The following HS1BP3 variants were observed in gnomAD, a reference collection of about 807,000 sequenced individuals.
HS1BP3 encodes HCLS1-binding protein 3.
Under a neutral mutation model 33.5 loss-of-function variants are expected in HS1BP3, and 32 were observed. That is an observed-to-expected ratio of 0.95 (90% CI 0.72 to 1.28). The LOEUF (loss-of-function observed/expected upper bound fraction) is 1.28. Ranked by LOEUF, HS1BP3 falls within the 50% of genes most tolerant of loss-of-function variation. The pLI is 0.00. For synonymous variants in HS1BP3, 187 were observed against 209.2 expected (o/e 0.89, Z 0.92); for missense variants, 486 against 502.3 (o/e 0.97, Z 0.31).
intron 4 of HS1BP3, chr2:20,637,088 A>G (rs1188008427): frequency 7.2e-6 from 1 of 139,668 alleles, no homozygotes; most frequent in Admixed American, 7.7e-5. Context: ...TCCCCTGACA[A>G]TCTGCTAATG....
chr2:20,592,844 T>C (rs1479527546), intron 3 of HS1BP3: 1 of 152,290 alleles, frequency 6.6e-6, no homozygotes, highest in Non-Finnish European at 1.5e-5. Context: ...GATCTCATCT[T>C]GAGATCCTTA....
downstream of HS1BP3, among the ~76,000 whole-genome samples, chr2:20,615,412 C>G (rs1694403146): frequency 6.6e-6 from 1 of 152,252 alleles, no homozygotes; most frequent in African/African-American, 2.4e-5. Context: ...GTCAGCTTCC[C>G]CAACTGCAAG....
intron 5 of HS1BP3, among the ~76,000 whole-genome samples, chr2:20,574,370 G>A (rs555061967): frequency 4.6e-5 from 7 of 152,342 alleles, no homozygotes; most frequent in African/African-American, 9.6e-5. Context: ...TTTTTCTGCT[G>A]AAGATATTAG....
chr2:20,591,193 C>T (rs115399611), downstream of HS1BP3: 122 of 167,256 alleles, frequency 7.3e-4, no homozygotes, highest in African/African-American at 2.7e-3. Context: ...TGGAGAGGGA[C>T]GCCTCCATCT....
intron 3 of HS1BP3, chr2:20,639,950 TGGCCACA>T (rs974613354): frequency 6.2e-4 from 95 of 152,382 alleles, no homozygotes; most frequent in African/African-American, 2.2e-3. Flanking sequence ...GGGCCCAACA[TGGCCACA>T]GGACACCGGG....
At chr2:20,638,793 G>T in intron 3 of HS1BP3, 141 bp from the exon 4 acceptor site, 1 of 658,342 alleles carries the variant, frequency 1.5e-6, no homozygotes, top group Non-Finnish European at 2.6e-6. Flanking sequence ...CGTCCCTCCT[G>T]GGACCTAAGC....
At chr2:20,615,748 C>T (rs1694410430), downstream of HS1BP3, among the ~76,000 whole-genome samples, 1 of 152,212 alleles carries the variant, frequency 6.6e-6, no homozygotes, top group Admixed American at 6.5e-5. Context: ...AACACAACGC[C>T]CAGGTGGCCG....
At chr2:20,566,150 C>T (rs1038073908) in intron 5 of HS1BP3, among the ~76,000 whole-genome samples, 22 of 152,260 alleles carry the variant, frequency 1.4e-4, no homozygotes, top group Admixed American at 5.2e-4. Flanking sequence ...TGCCCCATCC[C>T]GGCACTGACA....
chr2:20,590,675 C>T (rs542459664), downstream of HS1BP3: 1 of 152,732 alleles, frequency 6.5e-6, no homozygotes, highest in East Asian at 1.9e-4. Context: ...CTATGAATTT[C>T]CACAGATCCA....
In HS1BP3 at chr2:20,618,713, C is replaced by T. The variant is rs1694496172; in HGVS notation, c.*274G>A. 1.3e-5 allele frequency: 16 copies of T among 1,258,042 alleles called. No individual in the cohort carries two copies. Among genetic ancestry groups the T allele is most frequent in the Non-Finnish European group, 1.5e-5 (15 of 998,794 alleles). 77.9% of individuals were successfully genotyped at this position (1,258,042 alleles called of 1,614,324 possible). Reference sequence around the variant, plus strand: ...CTGGGCTTCTGGTTGGCAAGGCATCCCCACACCCTCCCTCCCCTTCATGTC... The same window carrying T: ...CTGGGCTTCTGGTTGGCAAGGCATCTCCACACCCTCCCTCCCCTTCATGTC... On this transcript the variant is annotated 3_prime_UTR_variant, in exon 7 of 7. Transcript: ENST00000304031.
chr2:20,557,281 G>A (rs1414377289), downstream of HS1BP3, among the ~76,000 whole-genome samples: 2 of 152,254 alleles, frequency 1.3e-5, no homozygotes, highest in African/African-American at 2.4e-5. Context: ...TTTCATAAGG[G>A]TATTTTAGGA....
At chr2:20,586,393 T>A (rs1693686328) in intron 5 of HS1BP3, 1 of 152,166 alleles carries the variant, frequency 6.6e-6, no homozygotes, top group Non-Finnish European at 1.5e-5. Context: ...CATCTCAGTG[T>A]GACAGCCTCT....
chr2:20,633,763 C>T (rs745409999), intron 4 of HS1BP3, among the ~76,000 whole-genome samples: 12 of 152,204 alleles, frequency 7.9e-5, no homozygotes, highest in Admixed American at 1.3e-4. Flanking sequence ...TCTCAAGTAA[C>T]CTGCCCACCT....
intron 5 of HS1BP3, among the ~76,000 whole-genome samples, chr2:20,585,511 T>G (rs1693659633): frequency 6.6e-6 from 1 of 152,204 alleles, no homozygotes; most frequent in African/African-American, 2.4e-5. Flanking sequence ...TCAGAGAAGA[T>G]AAGTAACTTG....
chr2:20,581,583 C>T (rs1437772821), intron 5 of HS1BP3, among the ~76,000 whole-genome samples: 1 of 152,218 alleles, frequency 6.6e-6, no homozygotes, highest in Non-Finnish European at 1.5e-5. Context: ...CTCCAGACCT[C>T]AGGTGATCTG....
At chr2:20,557,598 A>G (rs564350362), downstream of HS1BP3, among the ~76,000 whole-genome samples, 3 of 152,172 alleles carry the variant, frequency 2.0e-5, no homozygotes, top group Non-Finnish European at 4.4e-5. Context: ...GCCATCCTTT[A>G]TCTACTATCA....
At chr2:20,587,900 G>T (rs1693719381), downstream of HS1BP3, among the ~76,000 whole-genome samples, 1 of 152,206 alleles carries the variant, frequency 6.6e-6, no homozygotes, top group Admixed American at 6.5e-5. Flanking sequence ...TTCTGGGAAA[G>T]AAATCTTCTC....
downstream of HS1BP3, among the ~76,000 whole-genome samples, chr2:20,616,400 C>G (rs1326159343): frequency 1.3e-5 from 2 of 152,212 alleles, no homozygotes; most frequent in East Asian, 3.9e-4. Context: ...AGGGCTGAAG[C>G]TGCATCTAAG....
rs760072015 is a variant in HS1BP3, at chr2:20,619,191, CTTGGG to C, written c.970_974del (p.Pro324AlafsTer4). On this transcript the variant is annotated frameshift_variant, in exon 7 of 7. Coordinates refer to ENST00000304031, the MANE Select transcript of HS1BP3 (RefSeq NM_022460.4). LOFTEE classifies it low-confidence loss of function (END_TRUNC). ...CTGGTGGCTTGGGCTTAAGCTGGGGCTTGGGTTTGGGCTCAGCTCCCAGGTTCAGA... is the reference window on the plus strand; with the variant it reads ...CTGGTGGCTTGGGCTTAAGCTGGGGCTTTGGGCTCAGCTCCCAGGTTCAGA... The C allele has an allele frequency of 6.2e-7, 1 of 1,613,908 alleles. No homozygotes were observed. Among genetic ancestry groups the C allele is most frequent in the East Asian group, 2.2e-5 (1 of 44,880 alleles).
Sources: allele counts gnomAD v4.1 joint callset (sites outside exome capture counted in the v4.1 genomes callset), GRCh38; gene constraint gnomAD v4.1.1; transcripts MANE v1.5; gene names NCBI Gene and HGNC (gene_info 2026-07-23, HGNC 2026-07-21).